IL34: variants seen among roughly 807,000 people sequenced by gnomAD.
IL34 encodes interleukin 34.
A neutral mutation model predicts 25.3 loss-of-function variants in IL34; 17 were observed. That is an observed-to-expected ratio of 0.67 (90% CI 0.46 to 1.01). The LOEUF (loss-of-function observed/expected upper bound fraction) is 1.01. Ranked by LOEUF, IL34 falls within the 50% of genes least tolerant of loss-of-function variation. IL34 has a pLI of 0.00. For synonymous variants in IL34, 174 were observed against 140.9 expected (o/e 1.23, Z -1.66); for missense variants, 368 against 312.9 (o/e 1.18, Z -1.33).
intron 1 of IL34, among the ~76,000 whole-genome samples, chr16:70,611,197 C>T (rs997587422): frequency 2.0e-5 from 3 of 152,098 alleles, no homozygotes; most frequent in Non-Finnish European, 4.4e-5. Context: ...AGGCTGGTCT[C>T]GAACTCCTGT....
rs1248323853 is a variant in IL34, at chr16:70,633,685, C to T, written c.-400-12863C>T. ...ATGTATTCTGTCAAAGATCTGGAGG[C>T]TAGAAATCCAAGATCAAGGTGTTGG... On this transcript the variant is annotated intron_variant, in intron 1 of 6. Transcript: ENST00000429149. 2.0e-5 allele frequency among the ~76,000 whole-genome samples: 3 copies of T among 152,106 alleles called. No individual in the cohort carries two copies. The South Asian group carries it at 6.2e-4, about 32-fold the overall frequency.
intron 1 of IL34, among the ~76,000 whole-genome samples, chr16:70,627,204 A>AT (rs1360014620): frequency 5.9e-5 from 9 of 152,058 alleles, no homozygotes; most frequent in African/African-American, 1.7e-4. Flanking sequence ...ATTCTTGCTC[A>AT]TTTTTTTCCA....
intron 1 of IL34, among the ~76,000 whole-genome samples, chr16:70,623,937 T>C (rs963663273): frequency 3.6e-5 from 5 of 140,760 alleles, no homozygotes; most frequent in African/African-American, 1.0e-4. Context: ...TAATGTGGAG[T>C]GGGTAGCCTC....
At chr16:70,618,027 G>A (rs1484171085) in intron 1 of IL34, among the ~76,000 whole-genome samples, 5 of 152,202 alleles carry the variant, frequency 3.3e-5, no homozygotes, top group Non-Finnish European at 1.5e-5. Flanking sequence ...CCTCCAGCTT[G>A]ATGTGTAGAG....
chr16:70,607,524 A>C (rs747629322), intron 1 of IL34, among the ~76,000 whole-genome samples: 7 of 152,216 alleles, frequency 4.6e-5, no homozygotes, highest in Non-Finnish European at 1.0e-4. Flanking sequence ...TCTCCAGCAC[A>C]AAGCTGAATA....
intron 2 of IL34, among the ~76,000 whole-genome samples, chr16:70,655,408 A>T (rs891966586): frequency 6.8e-6 from 1 of 146,290 alleles, no homozygotes; most frequent in Non-Finnish European, 1.5e-5. Context: ...TTTTCTTTTG[A>T]GACAGGGTCT....
intron 4 of IL34, among the ~76,000 whole-genome samples, 166 bp from the exon 5 acceptor site, chr16:70,659,452 C>G (rs920509980): frequency 1.3e-5 from 2 of 152,196 alleles, no homozygotes; most frequent in African/African-American, 4.8e-5. Flanking sequence ...CCTCCCCATG[C>G]CCACAGGAAG....
At chr16:70,621,839 TTGAGCCAGGA>T (rs923764187) in intron 1 of IL34, among the ~76,000 whole-genome samples, 19 of 152,048 alleles carry the variant, frequency 1.2e-4, no homozygotes, top group African/African-American at 2.9e-4. Flanking sequence ...GGGGGTGTTT[TTGAGCCAGGA>T]TGAGCCAGGA....
chr16:70,619,968 G>A lies in IL34; in HGVS notation c.-400-26580G>A, dbSNP rs535511265. 2.9e-3 allele frequency among the ~76,000 whole-genome samples: 442 copies of A among 152,240 alleles called. 1 individual carries two copies. Among genetic ancestry groups the A allele is most frequent in the African/African-American group, 1.0e-2 (414 of 41,532 alleles). ...GGAGGTTCTGGAGGAACGCCTGGCC[G>A]CTGCGGTTCAGGAGTTTGGAAGTTC... On this transcript the variant is annotated intron_variant, in intron 1 of 6. Coordinates refer to the IL34 transcript ENST00000429149.
intron 4 of IL34, among the ~76,000 whole-genome samples, chr16:70,658,571 T>C (rs2052295350): frequency 6.6e-6 from 1 of 151,980 alleles, no homozygotes; most frequent in Non-Finnish European, 1.5e-5. Flanking sequence ...AACCTCCGTC[T>C]CCCAGGTTCA....
chr16:70,636,826 C>G (rs1234462178), intron 1 of IL34, among the ~76,000 whole-genome samples: 3 of 152,058 alleles, frequency 2.0e-5, no homozygotes, highest in East Asian at 1.9e-4. Context: ...GAAGAATACT[C>G]TAATATAACA....
chr16:70,656,180 C>T (rs2052214226), intron 2 of IL34, among the ~76,000 whole-genome samples: 1 of 152,186 alleles, frequency 6.6e-6, no homozygotes, highest in South Asian at 2.1e-4. Context: ...AGGCACACCT[C>T]TCTGCACAGG....
Position 70,623,979 on chromosome 16 carries a change from A to G in IL34, c.-400-22569A>G, listed in dbSNP as rs188181879. Reference sequence around the variant, plus strand: ...GATTAAGGCGACGGACTTACCTTCCACTGTGAGAGTTACTCGAAGCTCGGC... The same window carrying G: ...GATTAAGGCGACGGACTTACCTTCCGCTGTGAGAGTTACTCGAAGCTCGGC... On this transcript the variant is annotated intron_variant, in intron 1 of 6. Coordinates refer to the IL34 transcript ENST00000429149. Among the ~76,000 whole-genome samples the G allele has an allele frequency of 8.1e-5, 12 of 147,768 alleles. No homozygotes were observed. The East Asian group carries it at 2.4e-3, about 30-fold the overall frequency.
chr16:70,600,376 T>A (rs139572901), intron 1 of IL34, among the ~76,000 whole-genome samples: 142 of 152,304 alleles, frequency 9.3e-4, no homozygotes, highest in African/African-American at 3.3e-3. Context: ...GATCATCAAC[T>A]ACCCTATGAT....
intron 1 of IL34, among the ~76,000 whole-genome samples, chr16:70,584,585 C>T (rs557271465): frequency 1.3e-5 from 2 of 152,320 alleles, no homozygotes; most frequent in East Asian, 3.9e-4. Flanking sequence ...CAGGACTCCA[C>T]CACCAAGTCC....
chr16:70,659,480 C>T, intron 4 of IL34, 138 bp from the exon 5 acceptor site: 1 of 1,091,988 alleles, frequency 9.2e-7, no homozygotes, highest in Non-Finnish European at 1.3e-6. Context: ...TGAGAAATAG[C>T]TATCCAGGCT....
intron 1 of IL34, among the ~76,000 whole-genome samples, chr16:70,613,222 T>G (rs1567444502): frequency 6.6e-6 from 1 of 152,246 alleles, no homozygotes; most frequent in Non-Finnish European, 1.5e-5. Context: ...TGGTTTGAAC[T>G]AATCTCCCTG....
At chr16:70,617,549 G>A (rs1166991212) in intron 1 of IL34, among the ~76,000 whole-genome samples, 7 of 152,190 alleles carry the variant, frequency 4.6e-5, no homozygotes, top group African/African-American at 1.4e-4. Context: ...ATAAAAAGGA[G>A]CGTCTATACA....
intron 1 of IL34, among the ~76,000 whole-genome samples, chr16:70,623,148 G>A (rs2051316401): frequency 6.6e-6 from 1 of 152,076 alleles, no homozygotes; most frequent in Admixed American, 6.6e-5. Flanking sequence ...AATGGGGGCT[G>A]TCTGTGACGC....
Sources: gnomAD v4.1 joint callset for allele counts (sites outside exome capture counted in the v4.1 genomes callset) on GRCh38, gnomAD v4.1.1 for gene constraint, MANE v1.5 for transcripts, NCBI Gene and HGNC (gene_info 2026-07-23, HGNC 2026-07-21) for gene names.